Variants in PITPNC1 observed in about 807,000 individuals in gnomAD.
PITPNC1 encodes the protein phosphatidylinositol transfer protein cytoplasmic 1, also known as cytoplasmic phosphatidylinositol transfer protein 1.
Under a neutral mutation model 44.7 loss-of-function variants are expected in PITPNC1, and 18 were observed. That is an observed-to-expected ratio of 0.40 (90% CI 0.28 to 0.60). PITPNC1 has a LOEUF of 0.60. PITPNC1 is among the 20% of genes least tolerant of loss of function. PITPNC1 has a pLI of 0.39. For missense variants in PITPNC1, 290 were observed against 418.4 expected, an observed-to-expected ratio of 0.69 and a Z score of 2.68; for synonymous variants, 141 against 149.6, an observed-to-expected ratio of 0.94 and a Z score of 0.42.
At chr17:67,558,258 G>C (rs1333621171) in intron 4 of PITPNC1, among the ~76,000 whole-genome samples, 3 of 151,966 alleles carry the variant, frequency 2.0e-5, no homozygotes, top group Admixed American at 6.6e-5. Context: ...CCCAGGAAGT[G>C]GGAAAAACAT....
chr17:67,429,700 A>AG, intron 1 of PITPNC1, among the ~76,000 whole-genome samples: 1 of 152,008 alleles, frequency 6.6e-6, no homozygotes, highest in East Asian at 1.9e-4. Context: ...TCTGTTTCAA[A>AG]AAAAAAAAAA....
At chr17:67,564,915 A>G (rs1395465818) in intron 4 of PITPNC1, among the ~76,000 whole-genome samples, 1 of 152,060 alleles carries the variant, frequency 6.6e-6, no homozygotes, top group East Asian at 1.9e-4. Flanking sequence ...CCATGAGAAT[A>G]TTTTCCCATG....
intron 1 of PITPNC1, among the ~76,000 whole-genome samples, chr17:67,469,469 C>T (rs563998435): frequency 2.0e-5 from 3 of 152,304 alleles, no homozygotes; most frequent in East Asian, 3.9e-4. Context: ...ACAAGATCCC[C>T]GGGATCTGTC....
intron 1 of PITPNC1, among the ~76,000 whole-genome samples, chr17:67,436,175 A>T (rs552598628): frequency 3.1e-4 from 47 of 150,400 alleles, no homozygotes; most frequent in African/African-American, 9.2e-4. Flanking sequence ...TAATTTTTAA[A>T]TTTTTTGTAG....
chr17:67,523,543 A>G (rs2949914), intron 1 of PITPNC1, among the ~76,000 whole-genome samples: 3,493 of 150,392 alleles, frequency 0.023, 48 homozygotes, highest in Non-Finnish European at 0.035. Flanking sequence ...GAGGTATTCT[A>G]TTAGTTCCAT....
At chr17:67,521,514 T>A (rs1318606619) in intron 1 of PITPNC1, among the ~76,000 whole-genome samples, 2 of 152,160 alleles carry the variant, frequency 1.3e-5, no homozygotes, top group East Asian at 3.8e-4. Context: ...GTTTTCATGG[T>A]TTATTGACCA....
At chr17:67,448,597 C>G (rs574787966) in intron 1 of PITPNC1, among the ~76,000 whole-genome samples, 4 of 152,312 alleles carry the variant, frequency 2.6e-5, no homozygotes, top group South Asian at 2.1e-4. Context: ...CTGGACCATT[C>G]TCTAGAACCC....
At chr17:67,583,968 C>T (rs192403984) in intron 5 of PITPNC1, among the ~76,000 whole-genome samples, 2,491 of 151,232 alleles carry the variant, frequency 0.016, 34 homozygotes, top group South Asian at 0.046. Flanking sequence ...CTCGATCTCC[C>T]GACCTCATGA....
At chr17:67,552,117 A>G (rs1189758389) in intron 2 of PITPNC1, 140 bp from the exon 3 acceptor site, 2 of 630,248 alleles carry the variant, frequency 3.2e-6, no homozygotes, top group African/African-American at 1.8e-5. Context: ...AAGACCGAAG[A>G]GATGGGGAAA....
intron 4 of PITPNC1, among the ~76,000 whole-genome samples, chr17:67,570,698 G>A (rs1334998743): frequency 1.3e-5 from 2 of 152,112 alleles, no homozygotes; most frequent in East Asian, 1.9e-4. Flanking sequence ...AGAGGGAATC[G>A]TGAATTTGCC....
chr17:67,496,815 T>C (rs749001585), intron 1 of PITPNC1, among the ~76,000 whole-genome samples: 4 of 152,092 alleles, frequency 2.6e-5, no homozygotes, highest in Admixed American at 6.6e-5. Context: ...GTTTTAAAAA[T>C]TCAAATGTAA....
In PITPNC1 at chr17:67,552,143, A is replaced by G. The variant is rs375389796; in HGVS notation, c.198-114A>G. On this transcript the variant is annotated intron_variant, in intron 2 of 8. Transcript: ENST00000581322. ...GATGGGGAAAGGGCAGCTGTGGAGA[A>G]AAGAGATGCCCCAGAATCCCCCTGA... 5.6e-4 allele frequency: 383 copies of G among 687,824 alleles called. 5 individuals are homozygous for G. In the South Asian group the frequency reaches 5.9e-3, roughly 11 times the overall value. The allele number at this position is 687,824 out of a possible 1,614,324, so 42.6% of individuals were successfully genotyped here. A position where few individuals can be genotyped will look rare whatever the true frequency, so the allele number is the denominator to read the frequency against.
intron 1 of PITPNC1, among the ~76,000 whole-genome samples, chr17:67,438,394 C>T (rs1316400070): frequency 1.3e-5 from 2 of 150,882 alleles, no homozygotes; most frequent in African/African-American, 4.9e-5. Flanking sequence ...TCCGCTACTG[C>T]AACCTCTGCC....
At chr17:67,659,125 C>G (rs1169696483) in intron 6 of PITPNC1, among the ~76,000 whole-genome samples, 3 of 152,152 alleles carry the variant, frequency 2.0e-5, no homozygotes, top group Non-Finnish European at 2.9e-5. Context: ...AACAAAGCAG[C>G]ATTCATTCTC....
intron 5 of PITPNC1, among the ~76,000 whole-genome samples, chr17:67,616,382 C>A (rs1412521877): frequency 6.6e-6 from 1 of 152,198 alleles, no homozygotes; most frequent in Admixed American, 6.5e-5. Flanking sequence ...CTGAGGTGAT[C>A]CACCAGCCTT....
intron 4 of PITPNC1, among the ~76,000 whole-genome samples, chr17:67,562,320 A>C (rs1360450167): frequency 6.6e-6 from 1 of 152,194 alleles, no homozygotes; most frequent in East Asian, 1.9e-4. Context: ...CTGTAGCTGG[A>C]ATACAAGCAG....
At chr17:67,562,339 C>T (rs529958927) in intron 4 of PITPNC1, among the ~76,000 whole-genome samples, 11 of 152,260 alleles carry the variant, frequency 7.2e-5, no homozygotes, top group Non-Finnish European at 1.0e-4. Flanking sequence ...AGCTGTTTTC[C>T]GGCTGTGTTT....
At chr17:67,417,528 C>G (rs1450655611) in intron 1 of PITPNC1, among the ~76,000 whole-genome samples, 2 of 152,178 alleles carry the variant, frequency 1.3e-5, no homozygotes, top group Admixed American at 1.3e-4. Flanking sequence ...TGGTTGCCAG[C>G]CTCCCTGAGT....
At chr17:67,422,287 C>A (rs2038681893) in intron 1 of PITPNC1, among the ~76,000 whole-genome samples, 1 of 152,162 alleles carries the variant, frequency 6.6e-6, no homozygotes, top group Non-Finnish European at 1.5e-5. Context: ...AGGTGAGTGG[C>A]ATATGGAGAG....
Sources: allele counts gnomAD v4.1 joint callset (sites outside exome capture counted in the v4.1 genomes callset), GRCh38; gene constraint gnomAD v4.1.1; transcripts MANE v1.5; gene names NCBI Gene and HGNC (gene_info 2026-07-23, HGNC 2026-07-21).